The following STON2 variants were observed in gnomAD, a reference collection of about 807,000 sequenced individuals.
The protein encoded by STON2 is stonin-2.
Under a neutral mutation model 65.7 loss-of-function variants are expected in STON2, and 29 were observed. The ratio of observed to expected loss-of-function variants is 0.44; its 90% CI spans 0.33 to 0.60. The LOEUF is 0.60. STON2 is among the 20% of genes least tolerant of loss of function. STON2 has a pLI of 0.03. For synonymous variants in STON2, 404 were observed against 414.2 expected (o/e 0.98, Z 0.30); for missense variants, 1,054 against 1,118.1 (o/e 0.94, Z 0.82).
rs182605841 is a variant in STON2, at chr14:81,341,137, A to C, written c.572-16950T>G. Among the ~76,000 whole-genome samples, 377 of 152,294 alleles carry C rather than the reference A, an allele frequency of 2.5e-3. 1 individual carries two copies. The highest frequency in any genetic ancestry group is 8.6e-3 in the African/African-American group (356 of 41,570). On this transcript the variant is annotated intron_variant, in intron 4 of 7. Transcript: ENST00000614646. ...AAAACAGACGTTACTTTTCACATAC[A>C]AGATAATGATCATAACTACTATTAC...
At chr14:81,343,357 A>G (rs531133785) in intron 4 of STON2, among the ~76,000 whole-genome samples, 6 of 152,304 alleles carry the variant, frequency 3.9e-5, no homozygotes, top group African/African-American at 1.4e-4. Context: ...ACCAATTTGT[A>G]CAAACAAATC....
chr14:81,419,681 C>T (rs1901609324), intron 2 of STON2, among the ~76,000 whole-genome samples: 1 of 152,222 alleles, frequency 6.6e-6, no homozygotes, highest in African/African-American at 2.4e-5. Flanking sequence ...GCATAGTGTT[C>T]TTCCCTCTTC....
rs1161157573 is a variant in STON2 at position 81,410,278 on chromosome 14, CAAAAAAAAAAAAA to C, written c.-198-11711_-198-11699del. Among the ~76,000 whole-genome samples, 263 of 45,804 alleles carry C rather than the reference CAAAAAAAAAAAAA, an allele frequency of 5.7e-3. 5 individuals are homozygous for C. Among genetic ancestry groups the C allele is most frequent in the African/African-American group, 0.014 (222 of 15,606 alleles). The allele number at this position is 45,804 out of a possible 152,430, so 30.0% of individuals were successfully genotyped here. A position where few individuals can be genotyped will look rare whatever the true frequency, so the allele number is the denominator to read the frequency against. ...GCATGCAGATGAATGTAACTCTAAC[CAAAAAAAAAAAAA>C]AAAAAAAAAAAAAAAACAGAAGAGA... On this transcript the variant is annotated intron_variant, in intron 2 of 8. Coordinates refer to the STON2 transcript ENST00000553821.
chr14:81,294,995 T>C (rs908146708), intron 5 of STON2, among the ~76,000 whole-genome samples: 9 of 152,178 alleles, frequency 5.9e-5, no homozygotes, highest in Non-Finnish European at 1.3e-4. Context: ...GCTGTTTAAG[T>C]GGGTGCCGGG....
chr14:81,397,977 A>G (rs1274196058), intron 2 of STON2, among the ~76,000 whole-genome samples: 1 of 150,472 alleles, frequency 6.6e-6, no homozygotes, highest in Non-Finnish European at 1.5e-5. Context: ...CACTTTTAAC[A>G]ACTACTTTTA....
chr14:81,330,490 G>A (rs1425781898), intron 4 of STON2, among the ~76,000 whole-genome samples: 1 of 151,776 alleles, frequency 6.6e-6, no homozygotes, highest in African/African-American at 2.4e-5. Context: ...ATAATAAAAT[G>A]TCTTAAAATT....
At chr14:81,287,290 T>G (rs955909930) in intron 5 of STON2, among the ~76,000 whole-genome samples, 2 of 152,194 alleles carry the variant, frequency 1.3e-5, no homozygotes, top group African/African-American at 4.8e-5. Context: ...TGATACGTAC[T>G]AATGATAAAG....
At chr14:81,292,135 G>A (rs1895582972) in intron 5 of STON2, among the ~76,000 whole-genome samples, 2 of 152,206 alleles carry the variant, frequency 1.3e-5, no homozygotes, top group South Asian at 2.1e-4. Context: ...GCTAAATGTC[G>A]ACTTTACTGC....
At chr14:81,280,735 G>A (rs532176712) in intron 5 of STON2, among the ~76,000 whole-genome samples, 1 of 152,292 alleles carries the variant, frequency 6.6e-6, no homozygotes, top group Non-Finnish European at 1.5e-5. Context: ...GCTAGGCCGG[G>A]CACGGTGGCT....
Position 81,262,793 on chromosome 14 carries a change from T to C in STON2, c.*5621A>G. On this transcript the variant is annotated 3_prime_UTR_variant, in exon 8 of 8. Transcript: ENST00000614646. ...ATGTAAAAATCTCACATTCTTGTTC[T>C]AGTTAATACATGGGAGAATATTACT... 1.0e-6 allele frequency: 1 copy of C among 985,464 alleles called. No homozygotes were observed. Among genetic ancestry groups the C allele is most frequent in the Non-Finnish European group, 1.2e-6 (1 of 829,916 alleles). 61.0% of individuals were successfully genotyped at this position (985,464 alleles called of 1,614,324 possible).
chr14:81,414,900 G>A (rs2139872490), intron 2 of STON2, among the ~76,000 whole-genome samples: 1 of 152,334 alleles, frequency 6.6e-6, no homozygotes, highest in African/African-American at 2.4e-5. Context: ...TGATGTGGGT[G>A]AGGATGCTTG....
intron 4 of STON2, among the ~76,000 whole-genome samples, chr14:81,360,339 G>A (rs1312092603): frequency 6.6e-6 from 1 of 152,048 alleles, no homozygotes; most frequent in East Asian, 1.9e-4. Flanking sequence ...CTATAATTAA[G>A]TGGCATTTAT....
intron 1 of STON2, among the ~76,000 whole-genome samples, chr14:81,429,859 C>A (rs1476605710): frequency 6.6e-6 from 1 of 151,618 alleles, no homozygotes; most frequent in Non-Finnish European, 1.5e-5. Context: ...TGCTTGAACC[C>A]GGGAGGCGGA....
intron 2 of STON2, among the ~76,000 whole-genome samples, chr14:81,421,143 G>A (rs192750265): frequency 2.2e-4 from 34 of 152,284 alleles, no homozygotes; most frequent in East Asian, 9.6e-4. Context: ...TTTGTTACCC[G>A]ACTTGGAATG....
intron 3 of STON2, among the ~76,000 whole-genome samples, chr14:81,383,226 G>A (rs1011544238): frequency 6.6e-6 from 1 of 152,188 alleles, no homozygotes; most frequent in Non-Finnish European, 1.5e-5. Context: ...ACCAAATCCA[G>A]CCCTGTAGCC....
upstream of STON2, among the ~76,000 whole-genome samples, chr14:81,400,626 C>T (rs118185732): frequency 2.4e-4 from 36 of 151,722 alleles, no homozygotes; most frequent in East Asian, 5.6e-3. Flanking sequence ...GAACAGGGGA[C>T]GAAGGTGAAG....
intron 4 of STON2, among the ~76,000 whole-genome samples, chr14:81,365,020 C>T (rs1159905355): frequency 6.6e-6 from 1 of 152,176 alleles, no homozygotes; most frequent in African/African-American, 2.4e-5. Context: ...GAGCCCCCAG[C>T]CCATCCCATG....
At chr14:81,334,601 T>C (rs978015675) in intron 4 of STON2, among the ~76,000 whole-genome samples, 8 of 152,222 alleles carry the variant, frequency 5.3e-5, no homozygotes, top group Non-Finnish European at 8.8e-5. Flanking sequence ...CAAAATGCCC[T>C]TTCTGGGCAC....
chr14:81,342,142 T>A (rs1289579690), intron 4 of STON2, among the ~76,000 whole-genome samples: 1 of 151,996 alleles, frequency 6.6e-6, no homozygotes, highest in Non-Finnish European at 1.5e-5. Flanking sequence ...TAATGGAGTT[T>A]TTTTGTTTTT....
Sources: allele counts gnomAD v4.1 joint callset (sites outside exome capture counted in the v4.1 genomes callset), GRCh38; gene constraint gnomAD v4.1.1; transcripts MANE v1.5; gene names NCBI Gene and HGNC (gene_info 2026-07-23, HGNC 2026-07-21).